Variants in SUGCT observed in about 807,000 individuals in gnomAD.
SUGCT encodes the protein succinyl-CoA:glutarate-CoA transferase, also known as succinyl-CoA:glutarate CoA-transferase.
A neutral mutation model predicts 55.0 loss-of-function variants in SUGCT; 41 were observed. The ratio of observed to expected loss-of-function variants is 0.74; its 90% CI spans 0.58 to 0.97. The LOEUF (loss-of-function observed/expected upper bound fraction) is 0.97, where lower values mean the gene tolerates loss of function less well. Ranked by LOEUF, SUGCT falls within the 50% of genes least tolerant of loss-of-function variation. The pLI, the probability that SUGCT is intolerant of heterozygous loss-of-function variation, is 0.00. For synonymous variants in SUGCT, 187 were observed against 200.4 expected (o/e 0.93, Z 0.56); for missense variants, 568 against 547.8 (o/e 1.04, Z -0.37).
chr7:40,547,973 C>A (rs1183442854), intron 12 of SUGCT, among the ~76,000 whole-genome samples: 1 of 152,038 alleles, frequency 6.6e-6, no homozygotes, highest in African/African-American at 2.4e-5. Flanking sequence ...CAAATTCTTA[C>A]AAGTGGGATT....
intron 13 of SUGCT, among the ~76,000 whole-genome samples, chr7:40,797,720 C>T (rs576426849): frequency 3.3e-5 from 5 of 152,318 alleles, no homozygotes; most frequent in Middle Eastern, 3.4e-3. Context: ...GCATGAACCC[C>T]CCCCAAATAA....
At chr7:40,590,820 T>G (rs1797676046) in intron 12 of SUGCT, among the ~76,000 whole-genome samples, 1 of 152,214 alleles carries the variant, frequency 6.6e-6, no homozygotes, top group Admixed American at 6.5e-5. Flanking sequence ...GCTCCGTACA[T>G]GGAACAACAA....
intron 1 of SUGCT, among the ~76,000 whole-genome samples, chr7:40,159,823 T>C (rs2150638515): frequency 6.6e-6 from 1 of 152,300 alleles, no homozygotes; most frequent in African/African-American, 2.4e-5. Flanking sequence ...CCTACCTTTC[T>C]TCTGGGAGGG....
the SUGCT span, among the ~76,000 whole-genome samples, chr7:40,882,829 AT>A: frequency 1.3e-5 from 2 of 152,030 alleles, no homozygotes; most frequent in Non-Finnish European, 2.9e-5. Context: ...CTGGATTCAT[AT>A]TTTTTTTATT....
intron 11 of SUGCT, among the ~76,000 whole-genome samples, chr7:40,477,177 TATC>T (rs1163486814): frequency 6.6e-6 from 1 of 152,220 alleles, no homozygotes; most frequent in Non-Finnish European, 1.5e-5. Context: ...TGGATTTTAT[TATC>T]ATATTATACA....
chr7:40,901,151 C>T, the SUGCT span, among the ~76,000 whole-genome samples: 1 of 152,210 alleles, frequency 6.6e-6, no homozygotes, highest in Non-Finnish European at 1.5e-5. Flanking sequence ...AGTTGACTTA[C>T]AGCTCTTACA....
In SUGCT at chr7:40,417,088, ATC is replaced by A. The variant is rs1217316387; in HGVS notation, c.817-32197_817-32196del. Among the ~76,000 whole-genome samples the A allele has an allele frequency of 1.2e-4, 19 of 152,030 alleles. 1 individual carries two copies. In the East Asian group the frequency reaches 3.7e-3, roughly 29 times the overall value. On this transcript the variant is annotated intron_variant, in intron 9 of 13. Coordinates refer to ENST00000335693, the MANE Select transcript of SUGCT (RefSeq NM_001193313.2). ...AATTTTCTAACTCTTTATCTGGTAT[ATC>A]TGTTTTTATTTTCTGCTCGCCTTTC...
At chr7:41,002,665 AG>A in the SUGCT span, among the ~76,000 whole-genome samples, 1 of 152,192 alleles carries the variant, frequency 6.6e-6, no homozygotes. Flanking sequence ...CTGGGGCAAA[AG>A]TCTTGGCCGC....
chr7:40,142,768 A>G (rs752788860), intron 1 of SUGCT, among the ~76,000 whole-genome samples: 6 of 152,250 alleles, frequency 3.9e-5, no homozygotes, highest in Non-Finnish European at 7.3e-5. Flanking sequence ...TGTTTTAATC[A>G]TGATACAAAC....
chr7:40,368,458 A>T (rs2151245886), intron 9 of SUGCT, among the ~76,000 whole-genome samples: 1 of 152,050 alleles, frequency 6.6e-6, no homozygotes, highest in East Asian at 1.9e-4. Context: ...TGCCCTCCCA[A>T]AGTGCTGGGA....
intron 12 of SUGCT, among the ~76,000 whole-genome samples, chr7:40,524,683 A>G (rs1299104030): frequency 6.6e-6 from 1 of 152,150 alleles, no homozygotes; most frequent in Non-Finnish European, 1.5e-5. Context: ...TTAAGGGATT[A>G]GTTCAGATTT....
intron 5 of SUGCT, among the ~76,000 whole-genome samples, chr7:40,193,159 G>A (rs532434266): frequency 1.3e-5 from 2 of 151,614 alleles, no homozygotes; most frequent in African/African-American, 4.8e-5. Context: ...TAGAGACGAA[G>A]CCTTGGTATG....
At chr7:40,527,112 A>G (rs918235818) in intron 12 of SUGCT, among the ~76,000 whole-genome samples, 8 of 152,192 alleles carry the variant, frequency 5.3e-5, no homozygotes, top group African/African-American at 1.9e-4. Flanking sequence ...AGTTTAAACT[A>G]CTTGGAACTC....
chr7:40,834,121 C>T (rs961981432), intron 13 of SUGCT, among the ~76,000 whole-genome samples: 3 of 151,978 alleles, frequency 2.0e-5, no homozygotes, highest in Middle Eastern at 3.2e-3. Context: ...AAAGGTGAAG[C>T]GTATTGCAGG....
chr7:40,499,110 A>G (rs1476239021), intron 12 of SUGCT: 5 of 456,702 alleles, frequency 1.1e-5, no homozygotes, highest in South Asian at 6.2e-5. Flanking sequence ...GGAACGCACC[A>G]CTGGCGCGTG....
the SUGCT span, among the ~76,000 whole-genome samples, chr7:40,951,202 C>T: frequency 2.6e-5 from 4 of 152,200 alleles, no homozygotes; most frequent in South Asian, 2.1e-4. Flanking sequence ...GTGTATGTGT[C>T]GAGGAATTTA....
chr7:40,799,684 A>G (rs1485219359), intron 13 of SUGCT, among the ~76,000 whole-genome samples: 1 of 152,218 alleles, frequency 6.6e-6, no homozygotes, highest in Non-Finnish European at 1.5e-5. Flanking sequence ...GGCAACCTGG[A>G]CTTTGCATCC....
chr7:40,831,279 C>G (rs543454842), intron 13 of SUGCT, among the ~76,000 whole-genome samples: 70 of 152,176 alleles, frequency 4.6e-4, no homozygotes, highest in Non-Finnish European at 9.1e-4. Context: ...CTCCTGCCCC[C>G]CTCCCTCTAC....
chr7:40,558,946 G>C (rs1795697306), intron 12 of SUGCT, among the ~76,000 whole-genome samples: 1 of 152,028 alleles, frequency 6.6e-6, no homozygotes, highest in East Asian at 1.9e-4. Flanking sequence ...GGATAGCTGT[G>C]AATTTTTTAA....
Sources: gnomAD v4.1 joint callset for allele counts (sites outside exome capture counted in the v4.1 genomes callset) on GRCh38, gnomAD v4.1.1 for gene constraint, MANE v1.5 for transcripts, NCBI Gene and HGNC (gene_info 2026-07-23, HGNC 2026-07-21) for gene names.